The following MYO16 variants were observed in gnomAD, a reference collection of about 807,000 sequenced individuals.
MYO16 encodes the protein unconventional myosin-XVI.
In MYO16, 94 loss-of-function variants were observed where a neutral mutation model predicts 205.3. The ratio of observed to expected loss-of-function variants is 0.46; its 90% CI spans 0.39 to 0.54. MYO16 has a LOEUF of 0.54. Ranked by LOEUF, MYO16 falls within the 20% of genes least tolerant of loss-of-function variation. The pLI, the probability that MYO16 is intolerant of heterozygous loss-of-function variation, is 0.00. For synonymous variants in MYO16, 988 were observed against 954.0 expected, an observed-to-expected ratio of 1.04 and a Z score of -0.66; for missense variants, 2,315 against 2,387.5, an observed-to-expected ratio of 0.97 and a Z score of 0.63.
rs181780191 is a variant in MYO16 at position 108,710,732 on chromosome 13, G to A, written c.293-1929G>A. Reference sequence around the variant, plus strand: ...AATATGGATCACTGATTTCTATTATGTATAATTCACTGTGTGTCTGCATAA... The same window carrying A: ...AATATGGATCACTGATTTCTATTATATATAATTCACTGTGTGTCTGCATAA... On this transcript the variant is annotated intron_variant, in intron 2 of 34. Coordinates refer to ENST00000457511, the MANE Select transcript of MYO16 (RefSeq NM_001198950.3). Among the ~76,000 whole-genome samples the A allele has an allele frequency of 9.9e-4, 151 of 152,222 alleles. 2 individuals carry two copies. The highest frequency in any genetic ancestry group is 1.5e-3 in the South Asian group (7 of 4,824).
intron 3 of MYO16, among the ~76,000 whole-genome samples, chr13:108,720,197 T>G (rs1185932169): frequency 6.6e-6 from 1 of 152,160 alleles, no homozygotes; most frequent in Non-Finnish European, 1.5e-5. Context: ...AAGATAACAC[T>G]ACAGTGAATA....
chr13:108,509,767 T>A, the MYO16 span, among the ~76,000 whole-genome samples: 1 of 152,184 alleles, frequency 6.6e-6, no homozygotes, highest in South Asian at 2.1e-4. Context: ...CTGCACATTA[T>A]GCACATGTAC....
At chr13:108,635,017 G>A (rs1467134096) in intron 1 of MYO16, among the ~76,000 whole-genome samples, 1 of 151,556 alleles carries the variant, frequency 6.6e-6, no homozygotes, top group Non-Finnish European at 1.5e-5. Context: ...ATAGTCTATA[G>A]CATTTATTAA....
intron 4 of MYO16, among the ~76,000 whole-genome samples, chr13:108,737,701 A>G (rs542641552): frequency 1.3e-5 from 2 of 152,324 alleles, no homozygotes; most frequent in Admixed American, 1.3e-4. Context: ...GAATAGTTTC[A>G]GACAGAATGG....
intron 10 of MYO16, among the ~76,000 whole-genome samples, chr13:108,845,262 C>T (rs981576839): frequency 6.6e-6 from 1 of 152,128 alleles, no homozygotes; most frequent in East Asian, 1.9e-4. Flanking sequence ...AGCAGATAAA[C>T]AAAACATCTG....
At chr13:108,767,301 A>G (rs979155943) in intron 4 of MYO16, among the ~76,000 whole-genome samples, 3 of 151,942 alleles carry the variant, frequency 2.0e-5, no homozygotes, top group Admixed American at 6.6e-5. Context: ...ACAAGGTTTC[A>G]CCATGTTAGC....
At chr13:108,726,727 A>G (rs1469074939) in intron 3 of MYO16, among the ~76,000 whole-genome samples, 1 of 152,152 alleles carries the variant, frequency 6.6e-6, no homozygotes, top group African/African-American at 2.4e-5. Flanking sequence ...CATAGATTGT[A>G]CACCCGTGAT....
chr13:108,735,903 G>A (rs368123130), intron 4 of MYO16, among the ~76,000 whole-genome samples: 10 of 152,174 alleles, frequency 6.6e-5, no homozygotes, highest in East Asian at 3.9e-4. Context: ...GTGATGATGA[G>A]CATTTGTTCA....
chr13:109,097,352 G>A (rs771579020), intron 27 of MYO16, among the ~76,000 whole-genome samples: 4 of 152,044 alleles, frequency 2.6e-5, no homozygotes, highest in Non-Finnish European at 4.4e-5. Flanking sequence ...TATCATGTGA[G>A]AGAATCATTA....
At chr13:108,541,944 G>A in the MYO16 span, among the ~76,000 whole-genome samples, 681 of 152,172 alleles carry the variant, frequency 4.5e-3, 5 homozygotes, top group African/African-American at 0.016. Context: ...CATTTGACTC[G>A]GCAATCCCAC....
intron 9 of MYO16, among the ~76,000 whole-genome samples, chr13:108,836,283 G>C (rs1876912955): frequency 6.6e-6 from 1 of 152,174 alleles, no homozygotes; most frequent in Admixed American, 6.5e-5. Flanking sequence ...TGGGCCTGTG[G>C]GTGCTCAGAA....
chr13:108,574,146 C>A, the MYO16 span, among the ~76,000 whole-genome samples: 1 of 152,200 alleles, frequency 6.6e-6, no homozygotes, highest in Non-Finnish European at 1.5e-5. Flanking sequence ...AGCCACTGCG[C>A]CCAGCCTAAT....
chr13:108,748,986 G>A (rs1365228689), intron 4 of MYO16, among the ~76,000 whole-genome samples: 1 of 151,856 alleles, frequency 6.6e-6, no homozygotes, highest in Admixed American at 6.6e-5. Flanking sequence ...GTTGGACTAT[G>A]ATATGTAAAA....
chr13:108,844,739 G>T (rs1877427741), intron 10 of MYO16, among the ~76,000 whole-genome samples: 1 of 152,148 alleles, frequency 6.6e-6, no homozygotes, highest in Non-Finnish European at 1.5e-5. Context: ...TATAAGCTCA[G>T]CCAGCGCATT....
chr13:108,762,513 C>A (rs1885643100), intron 4 of MYO16, among the ~76,000 whole-genome samples: 1 of 152,058 alleles, frequency 6.6e-6, no homozygotes, highest in South Asian at 2.1e-4. Context: ...TTTTTTTTAA[C>A]AATAGCCATT....
intron 2 of MYO16, among the ~76,000 whole-genome samples, chr13:108,667,770 G>C (rs968418244): frequency 2.6e-5 from 4 of 152,300 alleles, no homozygotes; most frequent in African/African-American, 4.8e-5. Flanking sequence ...TTGGTGCCAG[G>C]TATGGTGGCT....
At chr13:108,718,880 A>G (rs1378582569) in intron 3 of MYO16, among the ~76,000 whole-genome samples, 2 of 152,044 alleles carry the variant, frequency 1.3e-5, no homozygotes, top group Admixed American at 6.6e-5. Context: ...CTGCCTGCGG[A>G]TGTATTTTTA....
At chr13:109,094,650 T>C (rs1219760776) in intron 27 of MYO16, among the ~76,000 whole-genome samples, 2 of 152,228 alleles carry the variant, frequency 1.3e-5, no homozygotes, top group Non-Finnish European at 2.9e-5. Flanking sequence ...ACATTAGGTA[T>C]TTCTTCTAAT....
chr13:108,923,264 C>T (rs1881829563), intron 16 of MYO16, among the ~76,000 whole-genome samples: 1 of 152,184 alleles, frequency 6.6e-6, no homozygotes, highest in South Asian at 2.1e-4. Flanking sequence ...GCGGGATGAC[C>T]TCAGAACACG....
Sources: allele counts gnomAD v4.1 joint callset (sites outside exome capture counted in the v4.1 genomes callset), GRCh38; gene constraint gnomAD v4.1.1; transcripts MANE v1.5; gene names NCBI Gene and HGNC (gene_info 2026-07-23, HGNC 2026-07-21).